The following IFT43 variants were observed in gnomAD, a reference collection of about 807,000 sequenced individuals.
IFT43 encodes the protein intraflagellar transport protein 43 homolog.
A neutral mutation model predicts 32.3 loss-of-function variants in IFT43; 33 were observed. The ratio of observed to expected loss-of-function variants is 1.02; its 90% CI spans 0.77 to 1.37. The LOEUF is 1.37. Among genes scored for constraint, IFT43 ranks in the 40% most tolerant of loss-of-function variants. The pLI is 0.00. For missense variants in IFT43, 274 were observed against 265.9 expected, an observed-to-expected ratio of 1.03 and a Z score of -0.21; for synonymous variants, 93 against 98.2, an observed-to-expected ratio of 0.95 and a Z score of 0.31.
rs150476054 is a variant in IFT43 at position 76,075,574 on chromosome 14, T to C, written c.296-6721T>C. On this transcript the variant is annotated intron_variant, in intron 5 of 8. Coordinates refer to ENST00000314067, the MANE Select transcript of IFT43 (RefSeq NM_001102564.3). ...TTCTGGTATTTGGTTACTGGAGCGTTTGATGTCTCTCTGACAAGACCATGA... is the reference window on the plus strand; with the variant it reads ...TTCTGGTATTTGGTTACTGGAGCGTCTGATGTCTCTCTGACAAGACCATGA... 1.1e-4 allele frequency among the ~76,000 whole-genome samples: 16 copies of C among 152,362 alleles called. No individual in the cohort carries two copies. In the East Asian group the frequency reaches 2.1e-3, roughly 20 times the overall value.
chr14:76,071,435 C>T (rs1481692062), intron 5 of IFT43, among the ~76,000 whole-genome samples: 2 of 152,148 alleles, frequency 1.3e-5, no homozygotes, highest in Non-Finnish European at 2.9e-5. Flanking sequence ...AATAACTCAT[C>T]GAGGTCACAT....
At chr14:76,071,997 C>T (rs1037560528) in intron 5 of IFT43, among the ~76,000 whole-genome samples, 10 of 152,116 alleles carry the variant, frequency 6.6e-5, no homozygotes, top group African/African-American at 1.9e-4. Context: ...TCCCCCATCG[C>T]GATTCTCAGC....
At chr14:76,066,778 T>TA (rs1199703333) in intron 5 of IFT43, among the ~76,000 whole-genome samples, 1 of 152,236 alleles carries the variant, frequency 6.6e-6, no homozygotes, top group Non-Finnish European at 1.5e-5. Flanking sequence ...ATCACTCTCT[T>TA]ACACTTGTAG....
intron 3 of IFT43, among the ~76,000 whole-genome samples, chr14:76,032,887 T>G (rs777870198): frequency 1.3e-5 from 2 of 151,734 alleles, no homozygotes; most frequent in Non-Finnish European, 2.9e-5. Flanking sequence ...GAGGGAGGAG[T>G]TGAAGGTCAC....
intron 2 of IFT43, among the ~76,000 whole-genome samples, chr14:75,995,882 A>G (rs545121974): frequency 6.6e-6 from 1 of 152,254 alleles, no homozygotes; most frequent in Admixed American, 6.5e-5. Context: ...CATGCTTGGC[A>G]TGCTTTGGTT....
chr14:76,029,877 T>TTTTATTTTATTTTAG, intron 3 of IFT43, among the ~76,000 whole-genome samples: 1 of 145,750 alleles, frequency 6.9e-6, no homozygotes, highest in African/African-American at 2.6e-5. Flanking sequence ...TTTTATTTTA[T>TTTTATTTTATTTTAG]TTTATTTTAT....
intron 3 of IFT43, among the ~76,000 whole-genome samples, chr14:76,026,301 G>A (rs1056144735): frequency 2.6e-5 from 4 of 152,206 alleles, no homozygotes; most frequent in Admixed American, 2.0e-4. Flanking sequence ...GCTCACGCCT[G>A]TAATCCCAGC....
At chr14:76,051,066 G>GT (rs1349960021) in intron 3 of IFT43, among the ~76,000 whole-genome samples, 1 of 151,666 alleles carries the variant, frequency 6.6e-6, no homozygotes, top group Non-Finnish European at 1.5e-5. Flanking sequence ...ATGGGCATGA[G>GT]TTTTTTATCA....
intron 2 of IFT43, among the ~76,000 whole-genome samples, chr14:75,991,356 A>G (rs971995383): frequency 6.4e-5 from 9 of 141,574 alleles, no homozygotes; most frequent in Non-Finnish European, 1.2e-4. Context: ...ATAAGAGTAT[A>G]TATTATATAT....
In IFT43 at chr14:76,073,852, C is replaced by T. The variant is rs577925338; in HGVS notation, c.296-8443C>T. ...ATTGTTGTGCTGCTCCCTCAGGACC[C>T]GTTCTCCCCCTCCCCCCGTTTCTCA... is the stretch of plus-strand genomic sequence containing the variant. On this transcript the variant is annotated intron_variant, in intron 5 of 8. Coordinates refer to ENST00000314067, the MANE Select transcript of IFT43 (RefSeq NM_001102564.3). 1.6e-3 allele frequency among the ~76,000 whole-genome samples: 240 copies of T among 152,168 alleles called. 4 individuals carry two copies. The South Asian group carries it at 0.018, about 11-fold the overall frequency.
At chr14:76,037,881 C>T (rs1443568439) in intron 3 of IFT43, among the ~76,000 whole-genome samples, 1 of 152,100 alleles carries the variant, frequency 6.6e-6, no homozygotes, top group African/African-American at 2.4e-5. Flanking sequence ...AAATTTGGGG[C>T]ATTTCTTACA....
chr14:76,022,275 A>C, intron 2 of IFT43, 52 bp from the exon 3 acceptor site: 1 of 1,494,502 alleles, frequency 6.7e-7, no homozygotes. Flanking sequence ...AAAAAATAAA[A>C]TAAATGCAAA....
At chr14:76,026,105 A>C (rs149641119) in intron 3 of IFT43, among the ~76,000 whole-genome samples, 102 of 152,358 alleles carry the variant, frequency 6.7e-4, no homozygotes, top group African/African-American at 2.4e-3. Flanking sequence ...ACAAGAAAAA[A>C]AAATCCCACT....
intron 2 of IFT43, among the ~76,000 whole-genome samples, chr14:76,012,987 C>G (rs2036115026): frequency 6.6e-6 from 1 of 152,150 alleles, no homozygotes; most frequent in African/African-American, 2.4e-5. Flanking sequence ...TAGTTTCTTC[C>G]TCTTCTCCTT....
intron 2 of IFT43, among the ~76,000 whole-genome samples, chr14:76,018,495 C>T (rs928998586): frequency 6.6e-6 from 1 of 152,022 alleles, no homozygotes; most frequent in Non-Finnish European, 1.5e-5. Context: ...GAATGTTCCA[C>T]GTGCTGATGA....
At chr14:75,991,398 T>TGTATATTAACAAGA (rs1433489320) in intron 2 of IFT43, among the ~76,000 whole-genome samples, 34 of 142,340 alleles carry the variant, frequency 2.4e-4, no homozygotes, top group African/African-American at 6.8e-4. Flanking sequence ...AGTGTGTGTG[T>TGTATATTAACAAGA]GTGTGTGTGT....
intron 3 of IFT43, among the ~76,000 whole-genome samples, chr14:76,044,009 A>G (rs1228187630): frequency 2.7e-5 from 4 of 150,790 alleles, no homozygotes; most frequent in African/African-American, 4.9e-5. Flanking sequence ...TTTACTTACT[A>G]TCACCAATTT....
intron 5 of IFT43, among the ~76,000 whole-genome samples, chr14:76,078,479 G>A (rs1461650042): frequency 1.3e-5 from 2 of 152,222 alleles, no homozygotes; most frequent in East Asian, 3.9e-4. Context: ...TGTTGTTACT[G>A]GCATGGTACC....
chr14:75,992,968 C>T (rs2035672131), intron 2 of IFT43, among the ~76,000 whole-genome samples: 1 of 152,146 alleles, frequency 6.6e-6, no homozygotes, highest in Admixed American at 6.5e-5. Flanking sequence ...TTCTGTGATA[C>T]TGAGTTAATC....
Sources: gnomAD v4.1 joint callset for allele counts (sites outside exome capture counted in the v4.1 genomes callset) on GRCh38, gnomAD v4.1.1 for gene constraint, MANE v1.5 for transcripts, NCBI Gene and HGNC (gene_info 2026-07-23, HGNC 2026-07-21) for gene names.